Variants in NDUFAF2 observed in about 807,000 individuals in gnomAD.
NDUFAF2 encodes NADH:ubiquinone oxidoreductase complex assembly factor 2, also known as NADH dehydrogenase [ubiquinone] 1 alpha subcomplex assembly factor 2.
In NDUFAF2, 13 loss-of-function variants were observed where a neutral mutation model predicts 22.8. The ratio of observed to expected loss-of-function variants is 0.57; its 90% CI spans 0.37 to 0.91. The LOEUF (loss-of-function observed/expected upper bound fraction) is 0.91, where lower values mean the gene tolerates loss of function less well. Ranked by LOEUF, NDUFAF2 falls within the 40% of genes least tolerant of loss-of-function variation. The pLI is 0.01. For synonymous variants in NDUFAF2, 53 were observed against 64.2 expected (o/e 0.83, Z 0.84); for missense variants, 162 against 195.2 (o/e 0.83, Z 1.01).
Position 61,073,229 on chromosome 5 carries a change from T to G in NDUFAF2, c.217+15T>G. On this transcript the variant is annotated intron_variant, in intron 2 of 3. Transcript: ENST00000296597. ...AGAATGGGAAGGTAAGTTTCTGCTT[T>G]TAGTAGAATCTCATGGGAGGTAAGT... is the stretch of plus-strand genomic sequence containing the variant. The G allele has an allele frequency of 1.9e-6, 3 of 1,558,594 alleles. No individual in the cohort carries two copies.
chr5:60,975,638 T>C (rs1750892843), intron 1 of NDUFAF2, among the ~76,000 whole-genome samples: 1 of 152,194 alleles, frequency 6.6e-6, no homozygotes. Flanking sequence ...AACACTGGTG[T>C]CTTCTGCATT....
At chr5:60,996,900 T>G (rs926977537) in intron 1 of NDUFAF2, among the ~76,000 whole-genome samples, 1 of 152,190 alleles carries the variant, frequency 6.6e-6, no homozygotes, top group African/African-American at 2.4e-5. Context: ...TCAGTGCCTC[T>G]TTCCGGGATA....
At position 61,041,709 on chromosome 5, in the gene NDUFAF2, G is replaced by A. The variant is rs371267552; in HGVS notation, c.128-31416G>A. Among the ~76,000 whole-genome samples, 3 of 152,236 alleles carry A rather than the reference G, an allele frequency of 2.0e-5. No individual in the cohort carries two copies. The East Asian group carries it at 5.8e-4, about 29-fold the overall frequency. ...TGGTTAAATCTTTATGTGTCCATGG[G>A]CAGACATTCAAGTTATCTTCTACTA... On this transcript the variant is annotated intron_variant, in intron 1 of 3. Transcript: ENST00000296597.
chr5:61,003,650 T>G (rs1286386043), intron 1 of NDUFAF2, among the ~76,000 whole-genome samples: 4 of 149,256 alleles, frequency 2.7e-5, no homozygotes, highest in African/African-American at 9.8e-5. Flanking sequence ...CTATACTTTT[T>G]TTTTTTTTTT....
intron 1 of NDUFAF2, among the ~76,000 whole-genome samples, chr5:61,031,677 A>G (rs546662969): frequency 6.6e-6 from 1 of 152,304 alleles, no homozygotes; most frequent in African/African-American, 2.4e-5. Context: ...ATAGTGCTGC[A>G]GTAAACATAC....
chr5:61,062,664 T>C (rs1446819855), intron 1 of NDUFAF2, among the ~76,000 whole-genome samples: 4 of 152,148 alleles, frequency 2.6e-5, no homozygotes, highest in Admixed American at 2.6e-4. Context: ...TGAAAATTTG[T>C]CAAGTCTTGG....
intron 1 of NDUFAF2, among the ~76,000 whole-genome samples, chr5:60,985,495 A>C (rs968207401): frequency 8.6e-5 from 13 of 151,920 alleles, no homozygotes; most frequent in African/African-American, 2.9e-4. Flanking sequence ...TTAGGGTGTC[A>C]ATTTTAGATC....
chr5:60,949,549 G>T (rs906961949), intron 1 of NDUFAF2, among the ~76,000 whole-genome samples: 24 of 152,180 alleles, frequency 1.6e-4, no homozygotes, highest in Admixed American at 1.6e-3. Flanking sequence ...CATTTTCCAT[G>T]AGTACATACC....
At chr5:61,086,879 G>A (rs1752510985) in intron 2 of NDUFAF2, among the ~76,000 whole-genome samples, 2 of 152,006 alleles carry the variant, frequency 1.3e-5, no homozygotes, top group Admixed American at 6.6e-5. Context: ...GTCTAACATC[G>A]AACTTATATT....
chr5:61,058,262 T>G (rs1298516183), intron 1 of NDUFAF2, among the ~76,000 whole-genome samples: 1 of 152,150 alleles, frequency 6.6e-6, no homozygotes, highest in African/African-American at 2.4e-5. Context: ...TTTGCCATCA[T>G]TTTTAATTAT....
At chr5:60,948,731 T>A (rs1750499953) in intron 1 of NDUFAF2, among the ~76,000 whole-genome samples, 1 of 152,196 alleles carries the variant, frequency 6.6e-6, no homozygotes, top group Non-Finnish European at 1.5e-5. Flanking sequence ...TGTTTCTAGT[T>A]AGGGGTTATT....
intron 1 of NDUFAF2, among the ~76,000 whole-genome samples, chr5:61,051,330 C>T (rs538006161): frequency 2.6e-5 from 4 of 152,202 alleles, no homozygotes; most frequent in East Asian, 1.9e-4. Context: ...TTGTACTTAT[C>T]GCTCTCTATT....
intron 2 of NDUFAF2, among the ~76,000 whole-genome samples, chr5:61,087,309 A>G (rs572453339): frequency 6.6e-6 from 1 of 152,312 alleles, no homozygotes; most frequent in South Asian, 2.1e-4. Context: ...TCCAGCCTCC[A>G]GAACTGTGAG....
chr5:61,019,658 T>C (rs1751553817), intron 1 of NDUFAF2, among the ~76,000 whole-genome samples: 1 of 152,062 alleles, frequency 6.6e-6, no homozygotes, highest in South Asian at 2.1e-4. Flanking sequence ...CTGGATAAAA[T>C]ATAAATTTTG....
chr5:61,042,816 C>T (rs536568184), intron 1 of NDUFAF2, among the ~76,000 whole-genome samples: 2 of 152,240 alleles, frequency 1.3e-5, no homozygotes, highest in Admixed American at 6.5e-5. Context: ...CATACAAAAA[C>T]ATGGGGAAAC....
At chr5:60,995,235 T>C (rs984906257) in intron 1 of NDUFAF2, among the ~76,000 whole-genome samples, 2 of 152,206 alleles carry the variant, frequency 1.3e-5, no homozygotes, top group South Asian at 4.1e-4. Context: ...CTGGATGGTG[T>C]TGATGCAAAT....
intron 2 of NDUFAF2, among the ~76,000 whole-genome samples, chr5:61,080,827 G>C (rs913045705): frequency 6.6e-6 from 1 of 151,992 alleles, no homozygotes; most frequent in Non-Finnish European, 1.5e-5. Flanking sequence ...TCTCTTGACA[G>C]TGCCTTTCAA....
chr5:61,008,366 G>C (rs543203241), intron 1 of NDUFAF2, among the ~76,000 whole-genome samples: 4 of 152,034 alleles, frequency 2.6e-5, no homozygotes, highest in Middle Eastern at 3.2e-3. Context: ...ACAAAGAATA[G>C]TCTTTGTAAG....
At chr5:61,049,628 T>C (rs1261908849) in intron 1 of NDUFAF2, among the ~76,000 whole-genome samples, 8 of 152,104 alleles carry the variant, frequency 5.3e-5, no homozygotes, top group Admixed American at 5.2e-4. Context: ...CATTCTGCTT[T>C]ATGTGTTTAT....
Sources: gnomAD v4.1 joint callset for allele counts (sites outside exome capture counted in the v4.1 genomes callset) on GRCh38, gnomAD v4.1.1 for gene constraint, MANE v1.5 for transcripts, NCBI Gene and HGNC (gene_info 2026-07-23, HGNC 2026-07-21) for gene names.